Variants in HPCAL1 observed in about 807,000 individuals in gnomAD.
HPCAL1 encodes the protein hippocalcin-like protein 1.
Under a neutral mutation model 17.1 loss-of-function variants are expected in HPCAL1, and 8 were observed. That is an observed-to-expected ratio of 0.47 (90% confidence interval 0.27 to 0.84). The LOEUF (loss-of-function observed/expected upper bound fraction) is 0.84. Ranked by LOEUF, HPCAL1 falls within the 40% of genes least tolerant of loss-of-function variation. HPCAL1 has a pLI of 0.13. For synonymous variants in HPCAL1, 112 were observed against 111.4 expected, an observed-to-expected ratio of 1.01 and a Z score of -0.03; for missense variants, 165 against 271.1, an observed-to-expected ratio of 0.61 and a Z score of 2.75.
In HPCAL1 at chr2:10,367,584, A is replaced by G. The variant is rs1666927264; in HGVS notation, c.-110-29251A>G. 6.6e-6 allele frequency among the ~76,000 whole-genome samples: 1 copy of G among 152,224 alleles called. No individual in the cohort carries two copies. The highest frequency in any genetic ancestry group is 2.4e-5 in the African/African-American group (1 of 41,460). Reference sequence around the variant, plus strand: ...ATATGTAAAGCAAAATCATAATAGCAACAACAATCACTGTCATCCCACGGG... The same window carrying G: ...ATATGTAAAGCAAAATCATAATAGCGACAACAATCACTGTCATCCCACGGG... On this transcript the variant is annotated intron_variant, in intron 1 of 4. Transcript: ENST00000307845. The surrounding 1 kb of genome is among the most constrained non-coding windows in gnomAD (Gnocchi z 4.4).
intron 2 of HPCAL1, among the ~76,000 whole-genome samples, chr2:10,416,828 GCGT>G (rs1670703348): frequency 6.6e-6 from 1 of 152,104 alleles, no homozygotes; most frequent in African/African-American, 2.4e-5. Context: ...ATGCTGGCAG[GCGT>G]CATCCCCAAG....
rs1668187382 is a variant in HPCAL1, at chr2:10,384,552, T to C, written c.-110-12283T>C. On this transcript the variant is annotated intron_variant, in intron 1 of 4. Transcript: ENST00000307845. The surrounding 1 kb of genome is among the most constrained non-coding windows in gnomAD (Gnocchi z 4.4). ...GGGGCTACAGATGCTAATCTGCAAA[T>C]CCCAGAAAAGTGGAATCTCGGTGGC... is the stretch of plus-strand genomic sequence containing the variant. Among the ~76,000 whole-genome samples the C allele has an allele frequency of 6.6e-6, 1 of 151,500 alleles. No individual in the cohort carries two copies. The highest frequency in any genetic ancestry group is 6.6e-5 in the Admixed American group (1 of 15,220).
intron 1 of HPCAL1, among the ~76,000 whole-genome samples, chr2:10,308,097 A>G (rs1662735128): frequency 6.6e-6 from 1 of 151,554 alleles, no homozygotes; most frequent in Non-Finnish European, 1.5e-5. Context: ...GGGAGCTCCT[A>G]CCCCAGTATA....
intron 1 of HPCAL1, among the ~76,000 whole-genome samples, chr2:10,345,880 C>G (rs1665406530): frequency 6.6e-6 from 1 of 152,204 alleles, no homozygotes; most frequent in Admixed American, 6.5e-5. Flanking sequence ...CCTCCCCCAC[C>G]ACAAAAGGGG....
At chr2:10,350,763 T>C (rs772018398) in intron 1 of HPCAL1, among the ~76,000 whole-genome samples, 3 of 152,126 alleles carry the variant, frequency 2.0e-5, no homozygotes, top group Non-Finnish European at 4.4e-5. Flanking sequence ...AGTTAAAAAA[T>C]GGGCAAGGGA....
At chr2:10,360,142 G>T (rs192732699) in intron 1 of HPCAL1, among the ~76,000 whole-genome samples, 4 of 152,268 alleles carry the variant, frequency 2.6e-5, no homozygotes, top group African/African-American at 9.6e-5. Context: ...GAGCGTGTCG[G>T]GTGACTCTGC....
intron 1 of HPCAL1, among the ~76,000 whole-genome samples, chr2:10,372,290 G>A (rs977407640): frequency 1.5e-5 from 2 of 136,738 alleles, no homozygotes; most frequent in Non-Finnish European, 3.4e-5. Context: ...GTCGGTGGGG[G>A]AAGCCCCATG....
chr2:10,352,654 G>C (rs1195561461), intron 1 of HPCAL1, among the ~76,000 whole-genome samples: 1 of 152,192 alleles, frequency 6.6e-6, no homozygotes, highest in African/African-American at 2.4e-5. Flanking sequence ...CCTTCGCATG[G>C]GTGTCTCAAT....
chr2:10,380,702 T>A (rs1252316380), intron 1 of HPCAL1, among the ~76,000 whole-genome samples: 1 of 152,240 alleles, frequency 6.6e-6, no homozygotes, highest in East Asian at 1.9e-4. Context: ...AGTCTCTGTT[T>A]AGATGTCACC....
chr2:10,399,713 C>G (rs954897713), intron 2 of HPCAL1, among the ~76,000 whole-genome samples: 3 of 152,142 alleles, frequency 2.0e-5, no homozygotes, highest in African/African-American at 7.2e-5. Flanking sequence ...TTCCGCTTCT[C>G]TCTGCCCCTG....
rs956375719 is a variant in HPCAL1 at position 10,343,393 on chromosome 2, A to G, written c.-111+40216A>G. Among the ~76,000 whole-genome samples, 1 of 152,258 alleles carries G rather than the reference A, an allele frequency of 6.6e-6. No individual in the cohort carries two copies. The highest frequency in any genetic ancestry group is 2.4e-5 in the African/African-American group (1 of 41,474). ...TCTCACTAGCATGTGAAGGACTGATAGCACCATATCTCCCTCCAGGACTCC... is the reference window on the plus strand; with the variant it reads ...TCTCACTAGCATGTGAAGGACTGATGGCACCATATCTCCCTCCAGGACTCC... On this transcript the variant is annotated intron_variant, in intron 1 of 4. Transcript: ENST00000307845. This position sits in a 1 kb window ranked among gnomAD's most constrained non-coding sequence, Gnocchi z 4.8.
chr2:10,399,253 C>CCAT (rs1669299784), intron 2 of HPCAL1, among the ~76,000 whole-genome samples: 1 of 67,604 alleles, frequency 1.5e-5, no homozygotes, highest in Non-Finnish European at 3.6e-5. Flanking sequence ...ACCACCACCA[C>CCAT]CACCACCATC....
rs1665158625 is a variant in HPCAL1 at position 10,342,511 on chromosome 2, G to C, written c.-111+39334G>C. Among the ~76,000 whole-genome samples the C allele has an allele frequency of 6.6e-6, 1 of 152,180 alleles. No homozygotes were observed. The highest frequency in any genetic ancestry group is 6.5e-5 in the Admixed American group (1 of 15,282). On this transcript the variant is annotated intron_variant, in intron 1 of 4. Transcript: ENST00000307845. The surrounding 1 kb of genome is among the most constrained non-coding windows in gnomAD (Gnocchi z 4.1). ...GGACTGATCAGCCCAGCCTGGGGGAGGGTGGGAGGGGACTCCCAGGGAGCG... is the reference window on the plus strand; with the variant it reads ...GGACTGATCAGCCCAGCCTGGGGGACGGTGGGAGGGGACTCCCAGGGAGCG...
chr2:10,372,659 CCCTG>C (rs1227361083), intron 1 of HPCAL1, among the ~76,000 whole-genome samples: 2 of 152,354 alleles, frequency 1.3e-5, no homozygotes, highest in Non-Finnish European at 1.5e-5. Flanking sequence ...AGCTCTTCCT[CCCTG>C]CCTGCCCGGA....
chr2:10,376,853 G>A (rs1048993082), intron 1 of HPCAL1, among the ~76,000 whole-genome samples: 2 of 130,578 alleles, frequency 1.5e-5, no homozygotes, highest in African/African-American at 6.7e-5. Context: ...ATTGTATTGT[G>A]TGTAGTACAA....
At chr2:10,418,425 C>G (rs937580483) in intron 2 of HPCAL1, among the ~76,000 whole-genome samples, 33 of 105,532 alleles carry the variant, frequency 3.1e-4, no homozygotes, top group African/African-American at 1.3e-3. Flanking sequence ...CCTGGAAGGG[C>G]AACACAGTGA....
chr2:10,348,418 C>T (rs1245952044), intron 1 of HPCAL1, among the ~76,000 whole-genome samples: 1 of 152,090 alleles, frequency 6.6e-6, no homozygotes, highest in African/African-American at 2.4e-5. Flanking sequence ...CACTGCACTC[C>T]AGCCTGCACG....
chr2:10,355,344 GGGA>G (rs1666081238), intron 1 of HPCAL1, among the ~76,000 whole-genome samples: 1 of 146,608 alleles, frequency 6.8e-6, no homozygotes, highest in Admixed American at 6.8e-5. Flanking sequence ...CCAGCTACTT[GGGA>G]GGCTGAGGCA....
chr2:10,376,843 ATTGTATTGTGTGTAGTACAATACATAGCG>A (rs1667596288), intron 1 of HPCAL1, among the ~76,000 whole-genome samples: 1 of 135,920 alleles, frequency 7.4e-6, no homozygotes, highest in Non-Finnish European at 1.5e-5. Context: ...TACATACCGT[ATTGTATTGTGTGTAGTACAATACATAGCG>A]TATTGTATTG....
Sources: gnomAD v4.1 joint callset for allele counts (sites outside exome capture counted in the v4.1 genomes callset) on GRCh38, gnomAD v4.1.1 for gene constraint, Gnocchi (gnomAD v3.1) non-coding constraint, MANE v1.5 for transcripts, NCBI Gene and HGNC (gene_info 2026-07-23, HGNC 2026-07-21) for gene names.